MIR2052HG: variants seen among roughly 807,000 people sequenced by gnomAD.
MIR2052HG encodes MIR2052 host gene.
intron 2 of MIR2052HG, among the ~76,000 whole-genome samples, chr8:74,633,737 G>A (rs1460459008): frequency 1.3e-5 from 2 of 152,186 alleles, no homozygotes; most frequent in African/African-American, 4.8e-5. Context: ...TAGTAACTTA[G>A]TTCTAGGCTT....
intron 4 of MIR2052HG, among the ~76,000 whole-genome samples, chr8:74,708,485 A>G (rs1361604455): frequency 6.6e-6 from 1 of 151,992 alleles, no homozygotes; most frequent in African/African-American, 2.4e-5. Flanking sequence ...AGTTCCCACA[A>G]CTCTGTGTGG....
chr8:74,734,954 T>C (rs939254161), intron 4 of MIR2052HG, among the ~76,000 whole-genome samples: 2 of 152,228 alleles, frequency 1.3e-5, no homozygotes, highest in Non-Finnish European at 1.5e-5. Context: ...GAGCTACATA[T>C]GTACAATGCT....
At chr8:74,721,034 A>T (rs1369383271) in intron 4 of MIR2052HG, among the ~76,000 whole-genome samples, 1 of 152,196 alleles carries the variant, frequency 6.6e-6, no homozygotes, top group African/African-American at 2.4e-5. Flanking sequence ...ACACAGAGCC[A>T]AACCATATCA....
chr8:74,720,923 G>T (rs1488706938), intron 4 of MIR2052HG, among the ~76,000 whole-genome samples: 2 of 152,132 alleles, frequency 1.3e-5, no homozygotes, highest in African/African-American at 4.8e-5. Context: ...TCACCATCAT[G>T]AGAACAGCAT....
At chr8:74,734,482 G>T (rs1809726949) in intron 4 of MIR2052HG, among the ~76,000 whole-genome samples, 1 of 152,174 alleles carries the variant, frequency 6.6e-6, no homozygotes, top group Non-Finnish European at 1.5e-5. Context: ...TCCAAGATCA[G>T]ATTTGGAATC....
intron 1 of MIR2052HG, among the ~76,000 whole-genome samples, chr8:74,612,060 C>A (rs1808204289): frequency 9.4e-6 from 1 of 106,094 alleles, no homozygotes; most frequent in African/African-American, 3.8e-5. Context: ...TCCACTTGCA[C>A]CACAGGTGTA....
intron 2 of MIR2052HG, among the ~76,000 whole-genome samples, chr8:74,636,378 C>T (rs1210262073): frequency 6.6e-6 from 1 of 152,054 alleles, no homozygotes; most frequent in East Asian, 1.9e-4. Flanking sequence ...TCTCGGAAAA[C>T]AGTTTTACCA....
intron 2 of MIR2052HG, among the ~76,000 whole-genome samples, chr8:74,642,950 G>A (rs117268111): frequency 0.013 from 2,041 of 152,230 alleles, 23 homozygotes; most frequent in Middle Eastern, 0.031. Context: ...AAATAGTTTT[G>A]AATACACCTA....
intron 1 of MIR2052HG, among the ~76,000 whole-genome samples, chr8:74,608,560 A>C (rs1415137310): frequency 1.3e-5 from 2 of 152,178 alleles, no homozygotes; most frequent in African/African-American, 4.8e-5. Context: ...AGTTCACACT[A>C]AATATTTACC....
chr8:74,606,609 C>T (rs1262572716), intron 1 of MIR2052HG, among the ~76,000 whole-genome samples: 1 of 152,128 alleles, frequency 6.6e-6, no homozygotes, highest in African/African-American at 2.4e-5. Flanking sequence ...ATAGTTCTCA[C>T]TTATAAGTGG....
intron 4 of MIR2052HG, among the ~76,000 whole-genome samples, chr8:74,719,849 C>CTTTTTTTTTTTTTTTTT (rs10647233): frequency 9.4e-6 from 1 of 106,718 alleles, no homozygotes; most frequent in Non-Finnish European, 1.8e-5. Context: ...TTTCTTTTTT[C>CTTTTTTTTTTTTTTTTT]TTTTTTTTTT....
chr8:74,638,680 A>G (rs1285682961), intron 2 of MIR2052HG, among the ~76,000 whole-genome samples: 1 of 152,180 alleles, frequency 6.6e-6, no homozygotes, highest in African/African-American at 2.4e-5. Context: ...GGAAGCAATG[A>G]GAAACACTGT....
At chr8:74,753,251 A>G (rs1442844223) in intron 5 of MIR2052HG, among the ~76,000 whole-genome samples, 1 of 152,130 alleles carries the variant, frequency 6.6e-6, no homozygotes, top group Non-Finnish European at 1.5e-5. Context: ...AATCCAAACA[A>G]CTTTGCCTTT....
intron 2 of MIR2052HG, among the ~76,000 whole-genome samples, chr8:74,692,627 C>G (rs1646703003): frequency 6.6e-6 from 1 of 152,126 alleles, no homozygotes; most frequent in African/African-American, 2.4e-5. Context: ...AAAACACTTC[C>G]CCTCTTTACA....
At chr8:74,722,737 T>C (rs1021196240) in intron 4 of MIR2052HG, among the ~76,000 whole-genome samples, 1 of 152,236 alleles carries the variant, frequency 6.6e-6, no homozygotes, top group Non-Finnish European at 1.5e-5. Context: ...GAATTCATGC[T>C]GGTCAATGGT....
At chr8:74,599,998 C>G (rs1392646420) in intron 1 of MIR2052HG, 5 of 153,940 alleles carry the variant, frequency 3.2e-5, no homozygotes, top group African/African-American at 1.2e-4. Flanking sequence ...TTCCAGGTGC[C>G]GTCTGTCACC....
At chr8:74,648,845 G>A (rs1326346015) in intron 2 of MIR2052HG, among the ~76,000 whole-genome samples, 4 of 152,156 alleles carry the variant, frequency 2.6e-5, no homozygotes. Flanking sequence ...GTTTAAAAAA[G>A]ATAATATAAG....
At chr8:74,714,990 C>T (rs1023678099) in intron 4 of MIR2052HG, among the ~76,000 whole-genome samples, 8 of 152,042 alleles carry the variant, frequency 5.3e-5, no homozygotes, top group African/African-American at 1.9e-4. Flanking sequence ...CTACTTTTTC[C>T]TTTTCTATTG....
rs192310575 is a variant in MIR2052HG at position 74,746,399 on chromosome 8, T to C, written n.372-6042T>C. Among the ~76,000 whole-genome samples the C allele has an allele frequency of 3.7e-3, 560 of 152,244 alleles. 4 individuals carry two copies. Among genetic ancestry groups the C allele is most frequent in the African/African-American group, 0.013 (525 of 41,554 alleles). On this transcript the variant is annotated intron_variant and non_coding_transcript_variant, in intron 4 of 6. Coordinates refer to ENST00000523442, the Ensembl canonical transcript of MIR2052HG. ...GAAGTACTTGGCGGTAGGTATAGAA[T>C]GATAAATAGTCCAGCCCTAGACGTC...
Sources: gnomAD v4.1 joint callset for allele counts (sites outside exome capture counted in the v4.1 genomes callset) on GRCh38, gnomAD v4.1.1 for gene constraint, MANE v1.5 for transcripts, NCBI Gene and HGNC (gene_info 2026-07-23, HGNC 2026-07-21) for gene names.